Variants in PPTC7 observed in about 807,000 individuals in gnomAD.
PPTC7 encodes the protein protein phosphatase PTC7 homolog.
In PPTC7, 6 loss-of-function variants were observed where a neutral mutation model predicts 30.8. The observed-to-expected ratio is 0.19, with a 90% CI of 0.11 to 0.38. PPTC7 has a LOEUF of 0.38. Ranked by LOEUF, PPTC7 falls within the 10% of genes least tolerant of loss-of-function variation. The pLI, the probability that PPTC7 is intolerant of heterozygous loss-of-function variation, is 1.00. For synonymous variants in PPTC7, 163 were observed against 168.1 expected (o/e 0.97, Z 0.23); for missense variants, 218 against 404.8 (o/e 0.54, Z 3.96).
At chr12:110,545,060 C>A (rs1336598720) in intron 3 of PPTC7, among the ~76,000 whole-genome samples, 1 of 151,996 alleles carries the variant, frequency 6.6e-6, no homozygotes, top group Non-Finnish European at 1.5e-5. Flanking sequence ...TGGTCCTACA[C>A]CACTGTGCCC....
In PPTC7 at chr12:110,537,045, T is replaced by C. The variant is rs1252839902; in HGVS notation, c.907A>G (p.Thr303Ala). 6.2e-7 allele frequency: 1 copy of C among 1,612,854 alleles called. No homozygotes were observed. Residue 303 changes from threonine to alanine, a missense_variant, in exon 6 of 6, where the codon ACA becomes GCA. Thr to Ala is a moderately conservative substitution (Grantham distance 58, BLOSUM62 0). Coordinates refer to ENST00000354300, the MANE Select transcript of PPTC7 (RefSeq NM_139283.2). ...AGGACTTGACACCTCAGCTAGTCTG[T>C]ATACTCAGCCACTATTGAAAGAAGG... ...TVLLSIVAEYTD is the reference protein window; with the variant it reads ...TVLLSIVAEYAD
At chr12:110,561,302 ATTTC>A (rs992719922) in intron 1 of PPTC7, among the ~76,000 whole-genome samples, 1 of 151,530 alleles carries the variant, frequency 6.6e-6, no homozygotes, top group African/African-American at 2.4e-5. Context: ...TTATATCAAC[ATTTC>A]TTTTTTTTTT....
At chr12:110,538,122 G>A in intron 5 of PPTC7, 22 bp downstream of exon 5, 1 of 1,612,644 alleles carries the variant, frequency 6.2e-7, no homozygotes, top group South Asian at 1.1e-5. Context: ...CAGTCCCTAT[G>A]ACCTTCCCAA....
At chr12:110,552,140 A>G (rs889418216) in intron 1 of PPTC7, among the ~76,000 whole-genome samples, 172 bp from the exon 2 acceptor site, 3 of 152,224 alleles carry the variant, frequency 2.0e-5, no homozygotes, top group African/African-American at 7.2e-5. Context: ...AACACTCCTA[A>G]GCCACATTCA....
intron 1 of PPTC7, among the ~76,000 whole-genome samples, chr12:110,570,892 G>A (rs1196355610): frequency 3.3e-5 from 5 of 151,708 alleles, no homozygotes; most frequent in South Asian, 2.1e-4. Context: ...CTGGTTCCCC[G>A]GGTCCCCTTC....
At chr12:110,542,440 G>A (rs1390134381) in intron 3 of PPTC7, among the ~76,000 whole-genome samples, 1 of 151,968 alleles carries the variant, frequency 6.6e-6, no homozygotes, top group Non-Finnish European at 1.5e-5. Context: ...GGGAGGCCAA[G>A]GTGGGCAGAT....
chr12:110,548,170 T>C (rs1274649195), intron 2 of PPTC7, among the ~76,000 whole-genome samples: 1 of 151,798 alleles, frequency 6.6e-6, no homozygotes. Context: ...CATGGGGCTG[T>C]TGTGGGCACA....
intron 1 of PPTC7, among the ~76,000 whole-genome samples, chr12:110,557,666 T>C (rs2064401492): frequency 6.6e-6 from 1 of 152,226 alleles, no homozygotes; most frequent in African/African-American, 2.4e-5. Flanking sequence ...ATAAATGTTG[T>C]GTGAATGTGG....
intron 1 of PPTC7, among the ~76,000 whole-genome samples, chr12:110,581,747 A>G (rs1292502846): frequency 6.6e-6 from 1 of 152,238 alleles, no homozygotes; most frequent in Non-Finnish European, 1.5e-5. Context: ...CTGTCATAAA[A>G]AAGTTACAGA....
At chr12:110,558,311 G>A (rs1467585448) in intron 1 of PPTC7, among the ~76,000 whole-genome samples, 5 of 152,130 alleles carry the variant, frequency 3.3e-5, no homozygotes, top group Admixed American at 2.6e-4. Context: ...TATCCAGTTT[G>A]TCAGAATGAT....
At chr12:110,580,537 G>C (rs190672649) in intron 1 of PPTC7, among the ~76,000 whole-genome samples, 1 of 151,952 alleles carries the variant, frequency 6.6e-6, no homozygotes, top group Non-Finnish European at 1.5e-5. Flanking sequence ...ACGGGGTTTT[G>C]CCATGTTGGC....
At chr12:110,579,481 T>C (rs1479676585) in intron 1 of PPTC7, among the ~76,000 whole-genome samples, 1 of 152,230 alleles carries the variant, frequency 6.6e-6, no homozygotes, top group Non-Finnish European at 1.5e-5. Context: ...GTTCTTGATC[T>C]GATTCCTATG....
intron 4 of PPTC7, 111 bp from the exon 5 acceptor site, chr12:110,538,384 A>G: frequency 2.0e-6 from 2 of 1,020,874 alleles, no homozygotes; most frequent in South Asian, 3.0e-5. Context: ...AGACATTAAA[A>G]CATCATGCCC....
intron 3 of PPTC7, among the ~76,000 whole-genome samples, chr12:110,540,523 T>C (rs2135759717): frequency 6.6e-6 from 1 of 152,106 alleles, no homozygotes; most frequent in East Asian, 1.9e-4. Flanking sequence ...AATTTGTTTT[T>C]ACATTTTTAG....
In PPTC7 at chr12:110,564,660, G is replaced by C. The variant is rs143415899; in HGVS notation, c.224-12692C>G. On this transcript the variant is annotated intron_variant, in intron 1 of 5. Transcript: ENST00000354300. ...TAGTCACATGCGGCCTGGCACAAAT[G>C]TAACTTTTTTTTTCCTTTAAACGAG... 6.6e-3 allele frequency among the ~76,000 whole-genome samples: 1,009 copies of C among 151,984 alleles called. 3 individuals are homozygous for C. The highest frequency in any genetic ancestry group is 0.011 in the Non-Finnish European group (716 of 67,994).
chr12:110,562,632 A>G (rs970343948), intron 1 of PPTC7, among the ~76,000 whole-genome samples: 1 of 151,232 alleles, frequency 6.6e-6, no homozygotes, highest in Non-Finnish European at 1.5e-5. Context: ...ATCTCTACTA[A>G]AAATACAAAA....
At chr12:110,554,457 G>A (rs1484558983) in intron 1 of PPTC7, among the ~76,000 whole-genome samples, 1 of 152,122 alleles carries the variant, frequency 6.6e-6, no homozygotes, top group Non-Finnish European at 1.5e-5. Context: ...TGGATTACAG[G>A]CGTGAGCCAC....
intron 1 of PPTC7, among the ~76,000 whole-genome samples, chr12:110,575,958 C>A (rs2064585661): frequency 6.6e-6 from 1 of 152,130 alleles, no homozygotes; most frequent in Non-Finnish European, 1.5e-5. Context: ...GAGAAAAATA[C>A]CAAGGAACAG....
intron 2 of PPTC7, chr12:110,546,905 T>C (rs2064310391): frequency 6.6e-6 from 1 of 152,196 alleles, no homozygotes; most frequent in South Asian, 2.1e-4. Context: ...CTAGTAACGC[T>C]TTTCACCTAT....
Sources: allele counts gnomAD v4.1 joint callset (sites outside exome capture counted in the v4.1 genomes callset), GRCh38; gene constraint gnomAD v4.1.1; transcripts MANE v1.5; gene names NCBI Gene and HGNC (gene_info 2026-07-23, HGNC 2026-07-21).